The following MCTP1 variants were observed in gnomAD, a reference collection of about 807,000 sequenced individuals.
MCTP1 encodes the protein multiple C2 and transmembrane domain-containing protein 1.
MCTP1 carries 69 observed loss-of-function variants against 120.6 expected under a neutral mutation model. The ratio of observed to expected loss-of-function variants is 0.57; its 90% CI spans 0.47 to 0.70. MCTP1 has a LOEUF of 0.70. Among genes scored for constraint, MCTP1 ranks in the 30% least tolerant of loss-of-function variants. MCTP1 has a pLI of 0.00. For missense variants in MCTP1, 1,203 were observed against 1,248.8 expected, an observed-to-expected ratio of 0.96 and a Z score of 0.55; for synonymous variants, 529 against 493.1, an observed-to-expected ratio of 1.07 and a Z score of -0.96.
At chr5:94,928,958 A>G (rs1191300923) in intron 6 of MCTP1, among the ~76,000 whole-genome samples, 1 of 152,184 alleles carries the variant, frequency 6.6e-6, no homozygotes, top group Non-Finnish European at 1.5e-5. Context: ...GAGTGCCACA[A>G]GTAATAAGAT....
intron 1 of MCTP1, among the ~76,000 whole-genome samples, chr5:95,215,856 G>A (rs1752982848): frequency 6.6e-6 from 1 of 152,076 alleles, no homozygotes; most frequent in African/African-American, 2.4e-5. Context: ...GTGGGAGGGA[G>A]TTCTAAACAC....
At chr5:94,971,183 C>G (rs1826771701) in intron 2 of MCTP1, among the ~76,000 whole-genome samples, 1 of 151,996 alleles carries the variant, frequency 6.6e-6, no homozygotes, top group Admixed American at 6.6e-5. Context: ...CTCTGAGGGT[C>G]TCTGATAAGA....
At chr5:94,940,977 G>A (rs1817573049) in intron 4 of MCTP1, among the ~76,000 whole-genome samples, 1 of 151,866 alleles carries the variant, frequency 6.6e-6, no homozygotes, top group South Asian at 2.1e-4. Context: ...GTGGTTTTGA[G>A]GAGAGGGAAT....
At chr5:94,834,888 G>A (rs1309003672) in intron 17 of MCTP1, among the ~76,000 whole-genome samples, 2 of 136,872 alleles carry the variant, frequency 1.5e-5, no homozygotes, top group East Asian at 2.1e-4. Context: ...TGCAATCCCT[G>A]CTCAATGCAA....
At chr5:94,810,377 T>C (rs1387769274) in intron 17 of MCTP1, among the ~76,000 whole-genome samples, 1 of 152,124 alleles carries the variant, frequency 6.6e-6, no homozygotes, top group African/African-American at 2.4e-5. Flanking sequence ...AAATGTAAAA[T>C]TTCCCTAAGC....
At chr5:94,909,424 TA>T (rs762419039) in intron 9 of MCTP1, 43 bp from the exon 10 acceptor site, 21 of 1,559,116 alleles carry the variant, frequency 1.3e-5, no homozygotes, top group African/African-American at 2.8e-5. Flanking sequence ...AGCAGCTTTT[TA>T]AAAAAAACTT....
intron 1 of MCTP1, among the ~76,000 whole-genome samples, chr5:95,044,485 A>C (rs1228118712): frequency 1.3e-5 from 2 of 152,112 alleles, no homozygotes; most frequent in Non-Finnish European, 2.9e-5. Context: ...AATTGAGTAG[A>C]TCAATTTCCA....
intron 9 of MCTP1, among the ~76,000 whole-genome samples, chr5:94,910,216 GTGTATACATA>G (rs1210045702): frequency 1.4e-4 from 21 of 151,092 alleles, no homozygotes; most frequent in Non-Finnish European, 1.0e-4. Flanking sequence ...ATACATATAT[GTGTATACATA>G]TATGTATGTA....
In MCTP1 at chr5:95,284,294, G is replaced by A. The variant is rs1462804793; in HGVS notation, c.282C>T (p.Ser94=). 1.3e-6 allele frequency: 2 copies of A among 1,597,254 alleles called. No homozygotes were observed. Among genetic ancestry groups the A allele is most frequent in the Non-Finnish European group, 1.7e-6 (2 of 1,179,000 alleles). Residue 94 remains serine, a synonymous_variant, in exon 1 of 23, where the codon TCC becomes TCT. Transcript: ENST00000515393. This position sits in a 1 kb window ranked among gnomAD's most constrained non-coding sequence, Gnocchi z 5.2. The part of the protein sequence containing the change: ...RKQVLDRVFS[S]SQPNLCCSSP... Reference sequence around the variant, plus strand: ...ACGAGCAGCACAGGTTGGGCTGCGAGGAGGAGAAGACTCGGTCCAGCACTT... The same window carrying A: ...ACGAGCAGCACAGGTTGGGCTGCGAAGAGGAGAAGACTCGGTCCAGCACTT...
intron 1 of MCTP1, among the ~76,000 whole-genome samples, chr5:95,207,891 T>G (rs564352295): frequency 2.1e-5 from 3 of 142,936 alleles, no homozygotes; most frequent in Non-Finnish European, 4.5e-5. Flanking sequence ...AGCAGTCACT[T>G]TGTAACAAAT....
At chr5:95,168,914 G>A (rs1277923132) in intron 1 of MCTP1, among the ~76,000 whole-genome samples, 2 of 151,944 alleles carry the variant, frequency 1.3e-5, no homozygotes, top group African/African-American at 4.8e-5. Context: ...GATTGCCCTG[G>A]CCAGAACTTC....
At chr5:95,267,434 G>C (rs1394853527) in intron 1 of MCTP1, among the ~76,000 whole-genome samples, 1 of 152,174 alleles carries the variant, frequency 6.6e-6, no homozygotes, top group African/African-American at 2.4e-5. Flanking sequence ...TGAGACATCA[G>C]ATTGCATTTC....
rs78808968 is a variant in MCTP1, at chr5:95,141,515, T to C, written c.721-124031A>G. Among the ~76,000 whole-genome samples the C allele has an allele frequency of 7.5e-3, 1,138 of 152,314 alleles. 8 individuals are homozygous for C. Among genetic ancestry groups the C allele is most frequent in the Middle Eastern group, 0.014 (4 of 294 alleles). On this transcript the variant is annotated intron_variant, in intron 1 of 22. Transcript: ENST00000515393. ...TGTATGTGTGCAACAACATGAGAGT[T>C]TGGCTATTTTTTGAAGGCAAAGTCC...
intron 1 of MCTP1, among the ~76,000 whole-genome samples, chr5:95,274,230 C>G (rs958867147): frequency 3.3e-5 from 5 of 152,172 alleles, no homozygotes; most frequent in African/African-American, 4.8e-5. Flanking sequence ...TGCCTTTGTG[C>G]TTAGGCAACA....
intron 7 of MCTP1, among the ~76,000 whole-genome samples, chr5:94,922,081 G>T: frequency 6.6e-6 from 1 of 152,086 alleles, no homozygotes; most frequent in East Asian, 1.9e-4. Context: ...ACCCCTAAAG[G>T]TTATGCCTAT....
intron 17 of MCTP1, among the ~76,000 whole-genome samples, chr5:94,818,235 C>T (rs540382902): frequency 6.6e-6 from 1 of 152,282 alleles, no homozygotes; most frequent in Admixed American, 6.5e-5. Context: ...CTGAAGCAGA[C>T]ATGTCTGAAA....
intron 1 of MCTP1, among the ~76,000 whole-genome samples, chr5:95,022,808 AT>A (rs1838459388): frequency 6.6e-6 from 1 of 152,192 alleles, no homozygotes; most frequent in Non-Finnish European, 1.5e-5. Context: ...AGCACTTAAA[AT>A]GAAACCCTGT....
chr5:95,000,869 G>C (rs1833544876), intron 2 of MCTP1, among the ~76,000 whole-genome samples: 1 of 152,154 alleles, frequency 6.6e-6, no homozygotes, highest in South Asian at 2.1e-4. Context: ...AGAGCAACTT[G>C]CAATCCTACA....
chr5:94,914,953 T>C (rs978183890), intron 8 of MCTP1, among the ~76,000 whole-genome samples: 1 of 152,220 alleles, frequency 6.6e-6, no homozygotes, highest in Non-Finnish European at 1.5e-5. Context: ...CTGCTGCTGT[T>C]GAGACTGCCT....
Sources: allele counts gnomAD v4.1 joint callset (sites outside exome capture counted in the v4.1 genomes callset), GRCh38; gene constraint gnomAD v4.1.1; non-coding constraint Gnocchi (gnomAD v3.1); transcripts MANE v1.5; gene names NCBI Gene and HGNC (gene_info 2026-07-23, HGNC 2026-07-21).